SRRM4: variants seen among roughly 807,000 people sequenced by gnomAD.
SRRM4 encodes serine/arginine repetitive matrix protein 4.
SRRM4 carries 33 observed loss-of-function variants against 68.9 expected under a neutral mutation model. The observed-to-expected ratio is 0.48, with a 90% confidence interval of 0.36 to 0.64. The LOEUF (loss-of-function observed/expected upper bound fraction) is 0.64, where lower values mean the gene tolerates loss of function less well. Ranked by LOEUF, SRRM4 falls within the 30% of genes least tolerant of loss-of-function variation. The probability of loss-of-function intolerance (pLI) is 0.00; values close to 1 mark genes in which losing one functional copy is unlikely to be tolerated. For synonymous variants in SRRM4, 318 were observed against 318.8 expected (o/e 1.00, Z 0.03); for missense variants, 817 against 827.1 (o/e 0.99, Z 0.15).
rs116972560 is a variant in SRRM4 at position 119,046,345 on chromosome 12, G to A, written c.132-55891G>A. Among the ~76,000 whole-genome samples the A allele has an allele frequency of 4.1e-3, 628 of 152,226 alleles. 3 individuals are homozygous for A. The highest frequency in any genetic ancestry group is 7.6e-3 in the Non-Finnish European group (517 of 67,998). ...CACATGAAACTCACCCAGAGAATCCGGGAGCTAGAAGGGACTCTGGAGCTC... is the reference window on the plus strand; with the variant it reads ...CACATGAAACTCACCCAGAGAATCCAGGAGCTAGAAGGGACTCTGGAGCTC... On this transcript the variant is annotated intron_variant, in intron 1 of 12. Coordinates refer to ENST00000267260, the MANE Select transcript of SRRM4 (RefSeq NM_194286.4).
chr12:119,074,126 T>C (rs577079949), intron 1 of SRRM4, among the ~76,000 whole-genome samples: 3 of 151,978 alleles, frequency 2.0e-5, no homozygotes, highest in Non-Finnish European at 4.4e-5. Context: ...ATTATGAAAA[T>C]CTCCTGCTTA....
chr12:119,110,301 C>T (rs553967558), intron 2 of SRRM4, among the ~76,000 whole-genome samples: 12 of 152,288 alleles, frequency 7.9e-5, no homozygotes, highest in South Asian at 2.1e-4. Context: ...GCAGTCTGTC[C>T]GTTTGCAGAT....
chr12:119,121,494 A>G (rs556883959), intron 5 of SRRM4, among the ~76,000 whole-genome samples: 64 of 152,316 alleles, frequency 4.2e-4, no homozygotes, highest in African/African-American at 1.5e-3. Context: ...GAATCTACCA[A>G]GCGTCATGAG....
Position 119,091,621 on chromosome 12 carries a change from A to G in SRRM4, c.132-10615A>G, listed in dbSNP as rs139707556. Among the ~76,000 whole-genome samples, 6 of 152,334 alleles carry G rather than the reference A, an allele frequency of 3.9e-5. No individual in the cohort carries two copies. In the East Asian group the frequency reaches 1.2e-3, roughly 29 times the overall value. Reference sequence around the variant, plus strand: ...ATGCATCATCTCATTTCATTCTTGCAGCAACCTTGTAAAGTGATTGCAATT... The same window carrying G: ...ATGCATCATCTCATTTCATTCTTGCGGCAACCTTGTAAAGTGATTGCAATT... On this transcript the variant is annotated intron_variant, in intron 1 of 12. Transcript: ENST00000267260.
intron 10 of SRRM4, among the ~76,000 whole-genome samples, chr12:119,152,539 A>C (rs1310489584): frequency 6.6e-6 from 1 of 152,244 alleles, no homozygotes; most frequent in Non-Finnish European, 1.5e-5. Flanking sequence ...CCAGTTGCTC[A>C]GAAGAGCAGC....
chr12:118,986,775 C>T (rs536290248), intron 1 of SRRM4, among the ~76,000 whole-genome samples: 4 of 152,206 alleles, frequency 2.6e-5, no homozygotes, highest in South Asian at 4.2e-4. Context: ...TCCACCACTG[C>T]TCCAGGCCAC....
intron 1 of SRRM4, among the ~76,000 whole-genome samples, chr12:119,016,266 G>T (rs936741119): frequency 2.6e-5 from 4 of 152,014 alleles, no homozygotes; most frequent in African/African-American, 9.7e-5. Flanking sequence ...GTGAGAGAAT[G>T]TATGTCAGTT....
At chr12:119,065,679 G>A (rs935148631) in intron 1 of SRRM4, among the ~76,000 whole-genome samples, 1 of 152,192 alleles carries the variant, frequency 6.6e-6, no homozygotes, top group Admixed American at 6.5e-5. Flanking sequence ...AGCTTGCAGG[G>A]AGGCAGAGGT....
chr12:118,993,702 C>T (rs1953331652), intron 1 of SRRM4, among the ~76,000 whole-genome samples: 1 of 152,162 alleles, frequency 6.6e-6, no homozygotes, highest in Non-Finnish European at 1.5e-5. Context: ...TGTAGCCCAA[C>T]CCTCCCTAAC....
chr12:118,996,643 C>A (rs1391246305), intron 1 of SRRM4, among the ~76,000 whole-genome samples: 1 of 152,186 alleles, frequency 6.6e-6, no homozygotes, highest in Non-Finnish European at 1.5e-5. Flanking sequence ...AGACAGATTT[C>A]ACTGAATTCT....
At chr12:119,144,920 A>G (rs1180655636) in intron 8 of SRRM4, among the ~76,000 whole-genome samples, 1 of 152,124 alleles carries the variant, frequency 6.6e-6, no homozygotes, top group African/African-American at 2.4e-5. Flanking sequence ...GAAGTTTAAA[A>G]TTTTGGCTTT....
chr12:119,005,220 G>A (rs1212254744), intron 1 of SRRM4, among the ~76,000 whole-genome samples: 3 of 152,130 alleles, frequency 2.0e-5, no homozygotes, highest in Non-Finnish European at 4.4e-5. Context: ...ACCCTGGAGA[G>A]GATGGATTCT....
At chr12:119,078,756 CAA>C (rs933255742) in intron 1 of SRRM4, among the ~76,000 whole-genome samples, 2 of 151,200 alleles carry the variant, frequency 1.3e-5, no homozygotes, top group African/African-American at 4.9e-5. Flanking sequence ...CCCGTCTCTA[CAA>C]AAAAAAATTT....
intron 4 of SRRM4, 46 bp from the exon 5 acceptor site, chr12:119,120,204 T>A: frequency 7.0e-7 from 1 of 1,419,504 alleles, no homozygotes; most frequent in Non-Finnish European, 9.7e-7. Context: ...TCTGCCTTTT[T>A]TTTCTTTGAT....
At chr12:119,152,037 G>T (rs1385976817) in intron 10 of SRRM4, among the ~76,000 whole-genome samples, 3 of 152,108 alleles carry the variant, frequency 2.0e-5, no homozygotes, top group African/African-American at 7.2e-5. Context: ...AATAGCTATT[G>T]GTAATCGCTT....
In SRRM4 at chr12:118,981,788, G is replaced by C; in HGVS notation, c.-95G>C. ...CCCCACCCCTCTCTGGGTTTCACCC[G>C]GACAGAGCCGGGAGCTGGGTGTCGC... On this transcript the variant is annotated 5_prime_UTR_variant, in exon 1 of 13. Coordinates refer to ENST00000267260, the MANE Select transcript of SRRM4 (RefSeq NM_194286.4). 8 of 1,285,740 alleles carry C rather than the reference G, an allele frequency of 6.2e-6. No homozygotes were observed. The highest frequency in any genetic ancestry group is 3.0e-4 in the Middle Eastern group (1 of 3,306). 79.6% of individuals were successfully genotyped at this position (1,285,740 alleles called of 1,614,324 possible).
chr12:118,996,809 C>A (rs1022810129), intron 1 of SRRM4, among the ~76,000 whole-genome samples: 1 of 152,208 alleles, frequency 6.6e-6, no homozygotes, highest in African/African-American at 2.4e-5. Flanking sequence ...TTTCATAAAA[C>A]TTTTCCCAGA....
intron 1 of SRRM4, among the ~76,000 whole-genome samples, chr12:119,040,557 C>T (rs1237351939): frequency 1.3e-5 from 2 of 152,128 alleles, no homozygotes; most frequent in Non-Finnish European, 2.9e-5. Flanking sequence ...AGTAGTATTC[C>T]ATTGTGTATA....
At chr12:119,102,006 G>A (rs528430453) in intron 1 of SRRM4, among the ~76,000 whole-genome samples, 3 of 152,062 alleles carry the variant, frequency 2.0e-5, no homozygotes, top group Non-Finnish European at 4.4e-5. Context: ...CTCTAAAGTC[G>A]CTATGACAGA....
Sources: allele counts gnomAD v4.1 joint callset (sites outside exome capture counted in the v4.1 genomes callset), GRCh38; gene constraint gnomAD v4.1.1; transcripts MANE v1.5; gene names NCBI Gene and HGNC (gene_info 2026-07-23, HGNC 2026-07-21).